Variants in NCAM2 observed in about 807,000 individuals in gnomAD.
NCAM2 encodes the protein neural cell adhesion molecule 2, also known as N-CAM-2.
Under a neutral mutation model 98.1 loss-of-function variants are expected in NCAM2, and 30 were observed. That is an observed-to-expected ratio of 0.31 (90% CI 0.23 to 0.41). The LOEUF is 0.41. Ranked by LOEUF, NCAM2 falls within the 10% of genes least tolerant of loss-of-function variation. The pLI, the probability that NCAM2 is intolerant of heterozygous loss-of-function variation, is 1.00. For synonymous variants in NCAM2, 368 were observed against 342.4 expected (o/e 1.07, Z -0.83); for missense variants, 867 against 1,005.8 (o/e 0.86, Z 1.87).
intron 15 of NCAM2, among the ~76,000 whole-genome samples, chr21:21,480,366 C>CAAAAAAAAAAAAAAAA (rs59203448): frequency 4.0e-4 from 28 of 69,940 alleles, no homozygotes; most frequent in African/African-American, 1.6e-3. Flanking sequence ...GACTCCATCT[C>CAAAAAAAAAAAAAAAA]AAAAAAAAAA....
intron 1 of NCAM2, among the ~76,000 whole-genome samples, chr21:21,244,486 A>G (rs1373969851): frequency 1.3e-5 from 2 of 152,150 alleles, no homozygotes; most frequent in Admixed American, 6.5e-5. Flanking sequence ...ATTACCTTAA[A>G]TAATTTTGTT....
intron 1 of NCAM2, among the ~76,000 whole-genome samples, chr21:21,080,467 T>G (rs577765655): frequency 6.6e-6 from 1 of 151,606 alleles, no homozygotes; most frequent in African/African-American, 2.4e-5. Context: ...AAATACAAAA[T>G]TATTCAGGTG....
At chr21:21,069,592 C>T (rs1247561485) in intron 1 of NCAM2, among the ~76,000 whole-genome samples, 1 of 152,124 alleles carries the variant, frequency 6.6e-6, no homozygotes, top group Non-Finnish European at 1.5e-5. Flanking sequence ...TTCGACCTAC[C>T]CTTCCTTTAA....
intron 1 of NCAM2, among the ~76,000 whole-genome samples, chr21:21,200,442 T>A (rs2069171223): frequency 6.6e-6 from 1 of 151,414 alleles, no homozygotes; most frequent in South Asian, 2.1e-4. Context: ...AAATCTTTAT[T>A]GTATTTCATT....
chr21:21,302,483 G>T (rs2073750221), intron 5 of NCAM2, among the ~76,000 whole-genome samples: 1 of 152,026 alleles, frequency 6.6e-6, no homozygotes, highest in South Asian at 2.1e-4. Context: ...TTCTGTACCA[G>T]TACCACATTG....
chr21:21,453,897 C>G (rs142367869), intron 12 of NCAM2, among the ~76,000 whole-genome samples: 17 of 151,998 alleles, frequency 1.1e-4, no homozygotes, highest in African/African-American at 4.1e-4. Flanking sequence ...TTGTTTGTTT[C>G]TTTCTTCGGT....
At chr21:21,487,081 T>G (rs1470609773) in intron 15 of NCAM2, among the ~76,000 whole-genome samples, 1 of 152,130 alleles carries the variant, frequency 6.6e-6, no homozygotes, top group Non-Finnish European at 1.5e-5. Flanking sequence ...TCTAAGAAAT[T>G]AAAAAGTACA....
intron 12 of NCAM2, among the ~76,000 whole-genome samples, chr21:21,449,176 T>C (rs1326089565): frequency 1.3e-5 from 2 of 152,032 alleles, no homozygotes; most frequent in African/African-American, 2.4e-5. Context: ...TTTTTTAATT[T>C]TTCAATAAAA....
chr21:21,279,422 G>A (rs1039730532), intron 1 of NCAM2, among the ~76,000 whole-genome samples: 3 of 152,152 alleles, frequency 2.0e-5, no homozygotes, highest in South Asian at 2.1e-4. Flanking sequence ...GCAGTCGTGC[G>A]ATCTCGGCTC....
intron 1 of NCAM2, among the ~76,000 whole-genome samples, chr21:21,231,934 G>A (rs1055447909): frequency 1.3e-5 from 2 of 151,314 alleles, no homozygotes; most frequent in African/African-American, 4.8e-5. Context: ...CAATACAATG[G>A]CTTTTCTTGA....
intron 9 of NCAM2, among the ~76,000 whole-genome samples, chr21:21,383,324 G>A (rs1485331068): frequency 6.6e-6 from 1 of 152,032 alleles, no homozygotes. Context: ...AAATTTCTGT[G>A]GGTTTTTACA....
chr21:21,417,003 T>C (rs893110180), intron 10 of NCAM2, among the ~76,000 whole-genome samples: 9 of 152,100 alleles, frequency 5.9e-5, no homozygotes, highest in African/African-American at 2.2e-4. Context: ...TATCTGTTGA[T>C]AGCTGAACTC....
chr21:21,353,916 T>C (rs2075404388), intron 8 of NCAM2, among the ~76,000 whole-genome samples: 2 of 152,212 alleles, frequency 1.3e-5, no homozygotes, highest in African/African-American at 4.8e-5. Context: ...ACTATGTTTT[T>C]ATATCATATG....
At chr21:21,269,901 A>G (rs1321942103) in intron 1 of NCAM2, among the ~76,000 whole-genome samples, 1 of 152,164 alleles carries the variant, frequency 6.6e-6, no homozygotes, top group Non-Finnish European at 1.5e-5. Context: ...GAAAGAAAGG[A>G]AGGCAAAACC....
intron 1 of NCAM2, among the ~76,000 whole-genome samples, chr21:21,185,092 G>A (rs908489320): frequency 2.0e-5 from 3 of 152,104 alleles, no homozygotes; most frequent in Admixed American, 1.3e-4. Context: ...GTACCTCAAA[G>A]CAAGTTAAAA....
intron 12 of NCAM2, among the ~76,000 whole-genome samples, chr21:21,455,397 G>T (rs767405151): frequency 6.6e-6 from 1 of 151,576 alleles, no homozygotes; most frequent in Non-Finnish European, 1.5e-5. Context: ...AAAATGCAAG[G>T]TTCAAGTGAT....
At chr21:21,276,965 A>G (rs1343263115) in intron 1 of NCAM2, among the ~76,000 whole-genome samples, 1 of 152,092 alleles carries the variant, frequency 6.6e-6, no homozygotes, top group African/African-American at 2.4e-5. Context: ...TTTTATTAAA[A>G]TGAATTAAGA....
intron 12 of NCAM2, among the ~76,000 whole-genome samples, chr21:21,458,408 G>T (rs1444585063): frequency 1.3e-5 from 2 of 152,200 alleles, no homozygotes; most frequent in African/African-American, 4.8e-5. Flanking sequence ...CTGGAGAGCC[G>T]CTGGGCCCCA....
intron 1 of NCAM2, among the ~76,000 whole-genome samples, chr21:21,102,049 G>A (rs1487833670): frequency 2.0e-5 from 3 of 152,002 alleles, no homozygotes; most frequent in Non-Finnish European, 4.4e-5. Context: ...TGATGTTGTG[G>A]AAGCACTAGT....
Sources: gnomAD v4.1 joint callset for allele counts (sites outside exome capture counted in the v4.1 genomes callset) on GRCh38, gnomAD v4.1.1 for gene constraint, MANE v1.5 for transcripts, NCBI Gene and HGNC (gene_info 2026-07-23, HGNC 2026-07-21) for gene names.